Variants in DUSP8 observed in about 807,000 individuals in gnomAD.
DUSP8 encodes dual specificity protein phosphatase 8.
A neutral mutation model predicts 38.7 loss-of-function variants in DUSP8; 15 were observed. That is an observed-to-expected ratio of 0.39 (90% CI 0.26 to 0.60). The LOEUF (loss-of-function observed/expected upper bound fraction) is 0.60, where lower values mean the gene tolerates loss of function less well. Among genes scored for constraint, DUSP8 ranks in the 20% least tolerant of loss-of-function variants. The pLI is 0.56. For synonymous variants in DUSP8, 458 were observed against 433.9 expected, an observed-to-expected ratio of 1.06 and a Z score of -0.69; for missense variants, 768 against 915.0, an observed-to-expected ratio of 0.84 and a Z score of 2.07.
In DUSP8 at chr11:1,566,243, C is replaced by T. The variant is rs531175741; in HGVS notation, c.-108-309G>A. Among the ~76,000 whole-genome samples the T allele has an allele frequency of 1.6e-3, 236 of 152,230 alleles. 1 individual carries two copies. The highest frequency in any genetic ancestry group is 3.4e-3 in the Middle Eastern group (1 of 294). On this transcript the variant is annotated intron_variant, in intron 1 of 6. Coordinates refer to ENST00000397374, the MANE Select transcript of DUSP8 (RefSeq NM_004420.3). The stretch of plus-strand genomic sequence containing the variant: ...CATTCCAGAACATTCCATCTCATCC[C>T]TGGGACACAGGCATCTCCCTGCTGT...
At chr11:1,565,982 C>A (rs1435431105) in intron 1 of DUSP8, 48 bp from the exon 2 acceptor site, 2 of 636,826 alleles carry the variant, frequency 3.1e-6, no homozygotes, top group South Asian at 3.7e-5. Context: ...CCCTGGGTGG[C>A]ACCCAGAAGC....
Position 1,556,965 on chromosome 11 carries a change from G to T in DUSP8, c.1431C>A (p.Gly477=). The T allele has an allele frequency of 9.4e-7, 1 of 1,061,658 alleles. No homozygotes were observed. The highest frequency in any genetic ancestry group is 1.1e-6 in the Non-Finnish European group (1 of 880,954). The allele number at this position is 1,061,658 out of a possible 1,614,324, so 65.8% of individuals were successfully genotyped here. ...SPAHSLGLNF[G]DAARQTPRHG... is the part of the protein sequence containing the mutation. ...GCCGCGGAGTCTGCCGGGCCGCATC[G>T]CCGAAGTTCAGGCCGAGGCTGTGCG... Residue 477 remains glycine, a synonymous_variant, in exon 7 of 7, where the codon GGC becomes GGA. Transcript: ENST00000397374. The surrounding 1 kb of genome is among the most constrained non-coding windows in gnomAD (Gnocchi z 5.2).
At chr11:1,561,817 C>G (rs1319625531) in intron 3 of DUSP8, among the ~76,000 whole-genome samples, 1 of 152,164 alleles carries the variant, frequency 6.6e-6, no homozygotes, top group South Asian at 2.1e-4. Context: ...CCCTGCCCCC[C>G]CCAATATATT....
chr11:1,565,743 C>T lies in DUSP8; in HGVS notation c.84G>A (p.Leu28=), dbSNP rs1051088038. 1 of 1,611,818 alleles carries T rather than the reference C, an allele frequency of 6.2e-7. No homozygotes were observed. Among genetic ancestry groups the T allele is most frequent in the African/African-American group, 1.3e-5 (1 of 75,008 alleles). The change falls in exon 2 of 7, where the codon CTG becomes CTA. Residue 28 remains leucine (L), a synonymous_variant. Transcript: ENST00000397374. ...SLLRGGPGGP[L]VIDSRSFVEY... ...CCACGAAGGAGCGGCTGTCGATGACCAGCGGCCCCCCAGGCCCGCCCCGCA... is the reference window on the plus strand; with the variant it reads ...CCACGAAGGAGCGGCTGTCGATGACTAGCGGCCCCCCAGGCCCGCCCCGCA...
upstream of DUSP8, among the ~76,000 whole-genome samples, chr11:1,572,463 C>A (rs1470795235): frequency 6.7e-6 from 1 of 149,016 alleles, no homozygotes; most frequent in Non-Finnish European, 1.5e-5. This position sits in a 1 kb window ranked among gnomAD's most constrained non-coding sequence, Gnocchi z 4.7. Flanking sequence ...GCGGGTGGGT[C>A]GCGCCGCCGC....
At chr11:1,561,817 C>T (rs1319625531) in intron 3 of DUSP8, among the ~76,000 whole-genome samples, 1 of 152,164 alleles carries the variant, frequency 6.6e-6, no homozygotes, top group African/African-American at 2.4e-5. Context: ...CCCTGCCCCC[C>T]CCAATATATT....
At chr11:1,571,076 C>T (rs1590810282) in intron 1 of DUSP8, among the ~76,000 whole-genome samples, 1 of 152,150 alleles carries the variant, frequency 6.6e-6, no homozygotes. Context: ...GAGGCCGGTA[C>T]ACCCCGCAGC....
At chr11:1,567,929 T>C (rs1266571317) in intron 1 of DUSP8, among the ~76,000 whole-genome samples, 1 of 152,138 alleles carries the variant, frequency 6.6e-6, no homozygotes, top group East Asian at 1.9e-4. Flanking sequence ...GATGAGCTGT[T>C]TGTCCTTCCC....
chr11:1,561,563 G>A (rs962391227), intron 3 of DUSP8, among the ~76,000 whole-genome samples: 7 of 152,242 alleles, frequency 4.6e-5, no homozygotes, highest in Admixed American at 2.6e-4. Flanking sequence ...CGTGAGCAGC[G>A]CAGCTGGAGT....
Position 1,557,171 on chromosome 11 carries a change from C to T in DUSP8, c.1225G>A (p.Asp409Asn), listed in dbSNP as rs1218234205. 1.9e-5 allele frequency: 27 copies of T among 1,451,978 alleles called. No individual in the cohort carries two copies. The highest frequency in any genetic ancestry group is 6.8e-5 in the South Asian group (5 of 73,460). The allele number at this position is 1,451,978 out of a possible 1,614,324, so 89.9% of individuals were successfully genotyped here. A position where few individuals can be genotyped will look rare whatever the true frequency, so the allele number is the denominator to read the frequency against. Reference sequence around the variant, plus strand: ...CCGGGGTCGGGGGGCCCGGGGCCGTCGGGCCGCCTGCTAGGGGCGTAGGCA... The same window carrying T: ...CCGGGGTCGGGGGGCCCGGGGCCGTTGGGCCGCCTGCTAGGGGCGTAGGCA... The part of the protein sequence containing the change: ...KSAYAPSRRP[D>N]GPGPPDPGEA... Residue 409 changes from aspartate (D) to asparagine (N), a missense_variant, in exon 7 of 7, where the codon GAC (aspartate) becomes AAC (asparagine). Asp to Asn is a conservative substitution (Grantham distance 23). This residue lies in a region of DUSP8 where 474 missense variants were observed against 430.8 expected (regional missense o/e 1.10). Transcript: ENST00000397374. This position sits in a 1 kb window ranked among gnomAD's most constrained non-coding sequence, Gnocchi z 9.9.
In DUSP8 at chr11:1,554,810, CAAT is replaced by C. The variant is rs1272072619; in HGVS notation, c.*1705_*1707del. 8 of 559,416 alleles carry C rather than the reference CAAT, an allele frequency of 1.4e-5. No homozygotes were observed. The highest frequency in any genetic ancestry group is 6.4e-5 in the Admixed American group (1 of 15,744). The allele number at this position is 559,416 out of a possible 1,614,324, so 34.7% of individuals were successfully genotyped here. A position where few individuals can be genotyped will look rare whatever the true frequency, so the allele number is the denominator to read the frequency against. Reference sequence around the variant, plus strand: ...ATTTACATAATTAATAATAATTAACCAATAATAATAAATACTTAAACCTCTAAT... The same window carrying C: ...ATTTACATAATTAATAATAATTAACCAATAATAAATACTTAAACCTCTAAT... On this transcript the variant is annotated 3_prime_UTR_variant, in exon 7 of 7. Transcript: ENST00000397374.
rs113510218 is a variant in DUSP8, at chr11:1,566,029, C to A, written c.-108-95G>T. ...GATCAGAGCTGGGAGCTGCGCCCAC[C>A]AGGACACACCAACATGTGCCCGTGG... On this transcript the variant is annotated intron_variant, in intron 1 of 6. Coordinates refer to ENST00000397374, the MANE Select transcript of DUSP8 (RefSeq NM_004420.3). 19 of 575,508 alleles carry A rather than the reference C, an allele frequency of 3.3e-5. 3 individuals carry two copies. The highest frequency in any genetic ancestry group is 1.9e-4 in the African/African-American group (10 of 53,724). 35.7% of individuals were successfully genotyped at this position (575,508 alleles called of 1,614,324 possible). A position where few individuals can be genotyped will look rare whatever the true frequency, so the allele number is the denominator to read the frequency against.
chr11:1,568,259 A>C (rs557359665), intron 1 of DUSP8, among the ~76,000 whole-genome samples: 1 of 152,112 alleles, frequency 6.6e-6, no homozygotes, highest in Admixed American at 6.5e-5. Flanking sequence ...CCTAGCCTTC[A>C]TGCAGCCCTG....
intron 1 of DUSP8, among the ~76,000 whole-genome samples, chr11:1,566,625 A>T (rs898143577): frequency 5.9e-5 from 9 of 152,088 alleles, no homozygotes; most frequent in Admixed American, 5.9e-4. Flanking sequence ...AGTGTGCGCC[A>T]CGTGCCTGCT....
Position 1,554,930 on chromosome 11 carries a change from G to A in DUSP8, c.*1588C>T. Reference sequence around the variant, plus strand: ...AACGGGAACAGGACTTTTGCTGAAAGGAGGGATGACAGGAACACAGAGCTG... The same window carrying A: ...AACGGGAACAGGACTTTTGCTGAAAAGAGGGATGACAGGAACACAGAGCTG... On this transcript the variant is annotated 3_prime_UTR_variant, in exon 7 of 7. Transcript: ENST00000397374. 11 of 985,982 alleles carry A rather than the reference G, an allele frequency of 1.1e-5. No individual in the cohort carries two copies. Among genetic ancestry groups the A allele is most frequent in the Non-Finnish European group, 1.3e-5 (11 of 830,092 alleles). 61.1% of individuals were successfully genotyped at this position (985,982 alleles called of 1,614,324 possible). A position where few individuals can be genotyped will look rare whatever the true frequency, so the allele number is the denominator to read the frequency against.
chr11:1,556,650 C>A lies in DUSP8; in HGVS notation c.1746G>T (p.Gln582His), dbSNP rs1590799149. The A allele has an allele frequency of 7.1e-7, 1 of 1,410,750 alleles. No individual in the cohort carries two copies. Among genetic ancestry groups the A allele is most frequent in the Non-Finnish European group, 9.3e-7 (1 of 1,078,402 alleles). 87.4% of individuals were successfully genotyped at this position (1,410,750 alleles called of 1,614,324 possible). A position where few individuals can be genotyped will look rare whatever the true frequency, so the allele number is the denominator to read the frequency against. Residue 582 changes from glutamine to histidine, a missense_variant, in exon 7 of 7, where the codon CAG becomes CAT. Physicochemically the swap from Gln to His is conservative, Grantham distance 24. Coordinates refer to ENST00000397374, the MANE Select transcript of DUSP8 (RefSeq NM_004420.3). This position sits in a 1 kb window ranked among gnomAD's most constrained non-coding sequence, Gnocchi z 5.2. ...GWPEEPAPET[Q>H]FKRRSCQMEF... ...CCATCTGGCAGCTGCGGCGCTTGAA[C>A]TGCGTCTCCGGGGCCGGCTCCTCGG...
chr11:1,559,170 G>C (rs936634988), intron 3 of DUSP8, 115 bp from the exon 4 acceptor site: 1 of 1,053,446 alleles, frequency 9.5e-7, no homozygotes. Context: ...GTCACACCCA[G>C]CCCAGACCCG....
chr11:1,557,841 G>A lies in DUSP8; in HGVS notation c.774C>T (p.Ile258=), dbSNP rs761392997. The A allele has an allele frequency of 1.1e-5, 18 of 1,613,894 alleles. No individual in the cohort carries two copies. The highest frequency in any genetic ancestry group is 8.8e-5 in the South Asian group (8 of 91,070). Residue 258 remains isoleucine (I), a synonymous_variant, in exon 6 of 7, where the codon ATC becomes ATT. Transcript: ENST00000397374. The surrounding 1 kb of genome is among the most constrained non-coding windows in gnomAD (Gnocchi z 9.9). ...AGISRSATIA[I]AYIMKTMGMS... ...TGCCCATGGTCTTCATGATGTAGGC[G>A]ATGGCGATGGTGGCAGAGCGGGAGA... is the stretch of plus-strand genomic sequence containing the variant.
Position 1,559,043 on chromosome 11 carries a change from G to C in DUSP8, c.383C>G (p.Thr128Ser). Residue 128 changes from threonine to serine, a missense_variant, in exon 4 of 7, where the codon ACC becomes AGC. Physicochemically the swap from Thr to Ser is moderately conservative, Grantham distance 58. Coordinates refer to ENST00000397374, the MANE Select transcript of DUSP8 (RefSeq NM_004420.3). Reference protein sequence around the residue: ...SVAILTGGFATFSSCFPGLCE... With the variant: ...SVAILTGGFASFSSCFPGLCE... ...GAGGCCGGGGAAGCAGGAGGAGAAG[G>C]TGGCGAAGCCCCCTGTAGGAGGAGG... 5 of 1,610,168 alleles carry C rather than the reference G, an allele frequency of 3.1e-6. No homozygotes were observed. Among genetic ancestry groups the C allele is most frequent in the Non-Finnish European group, 4.2e-6 (5 of 1,179,466 alleles).
Sources: allele counts gnomAD v4.1 joint callset (sites outside exome capture counted in the v4.1 genomes callset), GRCh38; gene constraint gnomAD v4.1.1; regional missense constraint gnomAD v4.1.1; non-coding constraint Gnocchi (gnomAD v3.1); transcripts MANE v1.5; gene names NCBI Gene and HGNC (gene_info 2026-07-23, HGNC 2026-07-21).